MASP2: variants seen among roughly 807,000 people sequenced by gnomAD.
MASP2 encodes the protein MBL associated serine protease 2.
MASP2 carries 49 observed loss-of-function variants against 57.1 expected under a neutral mutation model. The observed-to-expected ratio is 0.86, with a 90% CI of 0.68 to 1.09. The LOEUF (loss-of-function observed/expected upper bound fraction) is 1.09, where lower values mean the gene tolerates loss of function less well. MASP2 is among the 50% of genes least tolerant of loss of function. The pLI, the probability that MASP2 is intolerant of heterozygous loss-of-function variation, is 0.00. For missense variants in MASP2, 900 were observed against 874.8 expected (o/e 1.03, Z -0.36); for synonymous variants, 379 against 340.8 (o/e 1.11, Z -1.24).
intron 8 of MASP2, 113 bp downstream of exon 8, chr1:11,034,714 AG>A: frequency 2.9e-6 from 2 of 700,384 alleles, no homozygotes; most frequent in South Asian, 2.2e-5. Context: ...AAAAAAAAAA[AG>A]GGAAAGAAAA....
In MASP2 at chr1:11,027,209, AC is replaced by A; in HGVS notation, c.1736del (p.Gly579ValfsTer7). Reference protein sequence around the residue: ...TASGWGLTQRGFLARNLMYVD... With the variant: ...TASGWGLTQRXFLARNLMYVD... The stretch of plus-strand genomic sequence containing the variant: ...CATACATTAGATTTCTAGCAAGAAA[AC>A]CCCTTTGGGTTAATCCCCATCCAGA... On this transcript the variant is annotated frameshift_variant, in exon 11 of 11. Coordinates refer to ENST00000400897, the MANE Select transcript of MASP2 (RefSeq NM_006610.4). LOFTEE classifies it low-confidence loss of function (END_TRUNC). 1 of 1,614,076 alleles carries A rather than the reference AC, an allele frequency of 6.2e-7. No homozygotes were observed.
chr1:11,027,478 G>A lies in MASP2; in HGVS notation c.1468C>T (p.His490Tyr), dbSNP rs1643757459. ...CGAATGTCCAGGGCGGATGCATCAT[G>A]TTTTTGCTCATAGACGGCATGAGCA... is the stretch of plus-strand genomic sequence containing the variant. ...TAAHAVYEQKHDASALDIRMG... is the reference protein window; with the variant it reads ...TAAHAVYEQKYDASALDIRMG... The change falls in exon 11 of 11, where the codon CAT becomes TAT. Residue 490 changes from histidine (H) to tyrosine (Y), a missense_variant. Transcript: ENST00000400897. 6.2e-7 allele frequency: 1 copy of A among 1,614,132 alleles called. No homozygotes were observed. The highest frequency in any genetic ancestry group is 8.5e-7 in the Non-Finnish European group (1 of 1,180,014).
At position 11,030,308 on chromosome 1, in the gene MASP2, T is replaced by C. The variant is rs954465082; in HGVS notation, c.1223-58A>G. On this transcript the variant is annotated intron_variant, in intron 9 of 10. Transcript: ENST00000400897. ...CTGCATGTATAAGATGGTTGTCATT[T>C]GCTTGAATACCCCCTTGAAAAATGT... 6 of 1,200,570 alleles carry C rather than the reference T, an allele frequency of 5.0e-6. No homozygotes were observed. In the African/African-American group the frequency reaches 9.1e-5, roughly 18 times the overall value. 74.4% of individuals were successfully genotyped at this position (1,200,570 alleles called of 1,614,324 possible).
At chr1:11,031,745 A>T (rs1191897099) in intron 8 of MASP2, among the ~76,000 whole-genome samples, 3 of 151,822 alleles carry the variant, frequency 2.0e-5, no homozygotes, top group Non-Finnish European at 4.4e-5. Flanking sequence ...TCTGGGCAAT[A>T]GCGAAACCCT....
intron 3 of MASP2, 58 bp from the exon 4 acceptor site, chr1:11,045,597 T>C: frequency 6.5e-7 from 1 of 1,536,646 alleles, no homozygotes; most frequent in Admixed American, 1.9e-5. Context: ...GGATCCAGCC[T>C]GGACTCCTCC....
At chr1:11,041,247 AG>A (rs1638422142) in intron 6 of MASP2, among the ~76,000 whole-genome samples, 1 of 148,186 alleles carries the variant, frequency 6.7e-6, no homozygotes, top group Non-Finnish European at 1.5e-5. Flanking sequence ...ATGGGTGGAT[AG>A]AAGGATGAGT....
rs1357501535 is a variant in MASP2 at position 11,027,602 on chromosome 1, C to T, written c.1344G>A (p.Gly448=). 4 of 1,613,924 alleles carry T rather than the reference C, an allele frequency of 2.5e-6. No homozygotes were observed. The highest frequency in any genetic ancestry group is 1.6e-4 in the Middle Eastern group (1 of 6,084). Residue 448 remains glycine (G), a synonymous_variant, in exon 11 of 11, where the codon GGG becomes GGA. Transcript: ENST00000400897. ...ARTTGGRIYG[G]QKAKPGDFPW... Reference sequence around the variant, plus strand: ...GAAAATCACCAGGTTTTGCCTTTTGCCCTCCATATATACGCCCTCCTGTTG... The same window carrying T: ...GAAAATCACCAGGTTTTGCCTTTTGTCCTCCATATATACGCCCTCCTGTTG...
At chr1:11,041,186 G>A (rs1338536139) in intron 6 of MASP2, among the ~76,000 whole-genome samples, 3 of 150,864 alleles carry the variant, frequency 2.0e-5, no homozygotes, top group African/African-American at 7.3e-5. Context: ...TTGGATGGAT[G>A]GATGGAAGGA....
At chr1:11,029,194 G>C (rs939032510) in intron 10 of MASP2, among the ~76,000 whole-genome samples, 4 of 150,722 alleles carry the variant, frequency 2.7e-5, no homozygotes, top group Non-Finnish European at 4.4e-5. Context: ...TAGAGACGGA[G>C]TTTCACCATG....
intron 8 of MASP2, 53 bp downstream of exon 8, chr1:11,034,775 A>G: frequency 1.7e-6 from 2 of 1,160,160 alleles, no homozygotes. Context: ...CAACAGTAGC[A>G]GCAGAGGGAG....
chr1:11,026,821 GTCGCTGCCA>G lies in MASP2; in HGVS notation c.*55_*63del, dbSNP rs927720684. Reference sequence around the variant, plus strand: ...TAATGATGAATGCTTCTCGAGCCACGTCGCTGCCAAGGTCTTCACAGGCATTTCTAAAAA... The same window carrying G: ...TAATGATGAATGCTTCTCGAGCCACGAGGTCTTCACAGGCATTTCTAAAAA... On this transcript the variant is annotated 3_prime_UTR_variant, in exon 11 of 11. Coordinates refer to ENST00000400897, the MANE Select transcript of MASP2 (RefSeq NM_006610.4). 4.6e-5 allele frequency: 63 copies of G among 1,377,280 alleles called. No homozygotes were observed. The African/African-American group carries it at 8.8e-4, about 19-fold the overall frequency. The allele number at this position is 1,377,280 out of a possible 1,614,324, so 85.3% of individuals were successfully genotyped here. A position where few individuals can be genotyped will look rare whatever the true frequency, so the allele number is the denominator to read the frequency against.
In MASP2 at chr1:11,045,414, A is replaced by T. The variant is rs1638602327; in HGVS notation, c.538T>A (p.Cys180Ser). ...GYVLHRNKRTCSALCSGQVFT... is the reference protein window; with the variant it reads ...GYVLHRNKRTSSALCSGQVFT... ...CCCAGGCAGCCTCCCTCACCTGAGC[A>T]GGTGCGCTTGTTACGGTGCAGGACG... The change falls in exon 4 of 11, where the codon TGC becomes AGC. Residue 180 changes from cysteine (C) to serine (S), a missense_variant. Physicochemically the swap from Cys to Ser is moderately radical, Grantham distance 112. Transcript: ENST00000400897. 2 of 1,613,164 alleles carry T rather than the reference A, an allele frequency of 1.2e-6. No individual in the cohort carries two copies. The highest frequency in any genetic ancestry group is 1.7e-6 in the Non-Finnish European group (2 of 1,179,966).
At chr1:11,043,316 G>A in intron 5 of MASP2, 23 bp downstream of exon 5, 2 of 1,588,190 alleles carry the variant, frequency 1.3e-6, no homozygotes, top group Non-Finnish European at 1.7e-6. Flanking sequence ...TCTGGGACAA[G>A]ATGAGGGGCC....
At chr1:11,046,267 C>T (rs1017243573) in intron 3 of MASP2, 70 of 473,866 alleles carry the variant, frequency 1.5e-4, no homozygotes, top group Admixed American at 1.3e-3. Context: ...CCAGCCTCGG[C>T]CTCCCAAAGT....
intron 8 of MASP2, among the ~76,000 whole-genome samples, chr1:11,033,185 G>A (rs1023495933): frequency 1.4e-4 from 21 of 151,912 alleles, no homozygotes; most frequent in Non-Finnish European, 2.2e-4. Context: ...AAAATTAGCC[G>A]GGCGTGGTAG....
Position 11,027,173 on chromosome 1 carries a change from C to T in MASP2, c.1773G>A (p.Pro591=), listed in dbSNP as rs754681880. 26 of 1,613,950 alleles carry T rather than the reference C, an allele frequency of 1.6e-5. No individual in the cohort carries two copies. Among genetic ancestry groups the T allele is most frequent in the East Asian group, 4.5e-5 (2 of 44,894 alleles). ...CAGTACATTTTTGATGGTCAACAAT[C>T]GGTATGTCGACATACATTAGATTTC... ...LARNLMYVDI[P]IVDHQKCTAA... Residue 591 remains proline, a synonymous_variant, in exon 11 of 11, where the codon CCG becomes CCA. Transcript: ENST00000400897.
Position 11,047,157 on chromosome 1 carries a change from T to C in MASP2, c.6-38A>G, listed in dbSNP as rs113946047. On this transcript the variant is annotated intron_variant, in intron 1 of 10. Transcript: ENST00000400897. The stretch of plus-strand genomic sequence containing the variant: ...CAGGGGCGGTGAGGGCCCAGGCCTG[T>C]GCTCCCACCCCACACCCTGCAGGGA... 4.2e-4 allele frequency: 651 copies of C among 1,553,878 alleles called. 4 individuals are homozygous for C. In the African/African-American group the frequency reaches 7.7e-3, roughly 18 times the overall value.
chr1:11,045,300 G>A, intron 4 of MASP2, 108 bp downstream of exon 4: 2 of 1,531,170 alleles, frequency 1.3e-6, no homozygotes, highest in Non-Finnish European at 1.8e-6. Context: ...GAAGCACCCA[G>A]TGTCCAGGGC....
chr1:11,042,271 G>A (rs1421952872), intron 6 of MASP2, among the ~76,000 whole-genome samples: 1 of 151,724 alleles, frequency 6.6e-6, no homozygotes, highest in African/African-American at 2.4e-5. Context: ...TGGGTGGATG[G>A]GTGGATGAAT....
Sources: allele counts gnomAD v4.1 joint callset (sites outside exome capture counted in the v4.1 genomes callset), GRCh38; gene constraint gnomAD v4.1.1; transcripts MANE v1.5; gene names NCBI Gene and HGNC (gene_info 2026-07-23, HGNC 2026-07-21).